Variants in EFCAB8 observed in about 807,000 individuals in gnomAD.
EFCAB8 encodes EF-hand calcium-binding domain-containing protein 8.
In EFCAB8, 100 loss-of-function variants were observed where a neutral mutation model predicts 116.3. The observed-to-expected ratio is 0.86, with a 90% CI of 0.73 to 1.02. The LOEUF (loss-of-function observed/expected upper bound fraction) is 1.02. Ranked by LOEUF, EFCAB8 falls within the 50% of genes least tolerant of loss-of-function variation. The probability of loss-of-function intolerance (pLI) is 0.00; values close to 1 mark genes in which losing one functional copy is unlikely to be tolerated. For missense variants in EFCAB8, 1,320 were observed against 1,416.9 expected (o/e 0.93, Z 1.10); for synonymous variants, 558 against 567.9 (o/e 0.98, Z 0.25).
intron 7 of EFCAB8, among the ~76,000 whole-genome samples, chr20:32,890,897 C>A (rs550582598): frequency 1.3e-5 from 2 of 152,172 alleles, no homozygotes; most frequent in Non-Finnish European, 2.9e-5. Context: ...TAGTGCCTGG[C>A]ACATAGTGGG....
intron 14 of EFCAB8, among the ~76,000 whole-genome samples, 169 bp from the exon 15 acceptor site, chr20:32,909,652 G>A (rs1371003469): frequency 6.6e-6 from 1 of 152,118 alleles, no homozygotes. Context: ...GGAGTAGGGT[G>A]GGGGTATCTG....
At chr20:32,932,244 G>A (rs893696266) in intron 22 of EFCAB8, among the ~76,000 whole-genome samples, 2 of 152,148 alleles carry the variant, frequency 1.3e-5, no homozygotes, top group African/African-American at 4.8e-5. Flanking sequence ...GGGTGTGGCG[G>A]TGCACGCCTG....
In EFCAB8 at chr20:32,960,115, C is replaced by G; in HGVS notation, c.3347C>G (p.Thr1116Ser). 1 of 1,551,718 alleles carries G rather than the reference C, an allele frequency of 6.4e-7. No homozygotes were observed. Among genetic ancestry groups the G allele is most frequent in the South Asian group, 1.2e-5 (1 of 84,064 alleles). ...AYKPKERLQN[T>S]RFLSTRVPYG... ...AAGCCCAAGGAACGCTTGCAGAATA[C>G]CAGGTTCCTGTCCACCAGGGTGCCA... is the stretch of plus-strand genomic sequence containing the variant. Residue 1116 changes from threonine (T) to serine (S), a missense_variant, in exon 26 of 27, where the codon ACC becomes AGC. Transcript: ENST00000400522.
chr20:32,960,990 T>C lies in EFCAB8; in HGVS notation c.3394-146T>C, dbSNP rs1989131642. 6 of 692,678 alleles carry C rather than the reference T, an allele frequency of 8.7e-6. No homozygotes were observed. In the South Asian group the frequency reaches 1.1e-4, roughly 12 times the overall value. 42.9% of individuals were successfully genotyped at this position (692,678 alleles called of 1,614,324 possible). A position where few individuals can be genotyped will look rare whatever the true frequency, so the allele number is the denominator to read the frequency against. ...GCATGGGCCCGCAGGCCACGGTGGT[T>C]AGTGGTAGCCACAGTCCTCTGGACA... On this transcript the variant is annotated intron_variant, in intron 26 of 26. Transcript: ENST00000400522.
intron 20 of EFCAB8, among the ~76,000 whole-genome samples, chr20:32,928,531 A>G (rs113957875): frequency 1.4e-4 from 22 of 152,250 alleles, no homozygotes; most frequent in Middle Eastern, 3.4e-3. Context: ...CACCGCACCC[A>G]GCCAATGCGA....
chr20:32,866,244 T>C (rs117060085), intron 2 of EFCAB8, among the ~76,000 whole-genome samples: 2 of 152,210 alleles, frequency 1.3e-5, no homozygotes, highest in South Asian at 4.1e-4. Flanking sequence ...TGCTCTTTAG[T>C]TGGGGCTAAG....
chr20:32,891,009 G>A (rs564698910), intron 7 of EFCAB8, among the ~76,000 whole-genome samples: 3 of 152,366 alleles, frequency 2.0e-5, no homozygotes, highest in African/African-American at 7.2e-5. Context: ...TGACCCGCCT[G>A]GGCTTTCCAC....
intron 9 of EFCAB8, 118 bp from the exon 10 acceptor site, chr20:32,896,336 G>C: frequency 1.5e-6 from 1 of 647,936 alleles, no homozygotes; most frequent in Non-Finnish European, 2.8e-6. Context: ...GGTTTGGGTG[G>C]AAAAGCCTTT....
chr20:32,903,165 C>G (rs958428657), intron 11 of EFCAB8, among the ~76,000 whole-genome samples: 3 of 152,240 alleles, frequency 2.0e-5, no homozygotes, highest in Admixed American at 1.3e-4. Flanking sequence ...CCCATGTCCT[C>G]TCATGCCCTC....
At chr20:32,886,560 G>C (rs907195483) in intron 6 of EFCAB8, among the ~76,000 whole-genome samples, 1 of 152,166 alleles carries the variant, frequency 6.6e-6, no homozygotes, top group African/African-American at 2.4e-5. Context: ...GTGGAACTAG[G>C]GTCTGTGGGG....
At chr20:32,949,250 C>T (rs1988726131) in intron 23 of EFCAB8, among the ~76,000 whole-genome samples, 1 of 152,072 alleles carries the variant, frequency 6.6e-6, no homozygotes, top group African/African-American at 2.4e-5. Context: ...TATGTAAGTA[C>T]ACAGAAAAAT....
chr20:32,918,352 C>A lies in EFCAB8; in HGVS notation c.2062-10C>A, dbSNP rs1477050799. On this transcript the variant is annotated splice_polypyrimidine_tract_variant and intron_variant, in intron 18 of 26. Coordinates refer to ENST00000400522, the MANE Select transcript of EFCAB8 (RefSeq NM_001143967.2). ...GCAGTGCCTTAGGGGCTGCTTTCTT[C>A]TTGGTACAGGTGCAAGATGTGAACA... is the stretch of plus-strand genomic sequence containing the variant. 1 of 1,551,692 alleles carries A rather than the reference C, an allele frequency of 6.4e-7. No homozygotes were observed. Among genetic ancestry groups the A allele is most frequent in the Non-Finnish European group, 8.7e-7 (1 of 1,146,956 alleles).
At chr20:32,872,309 A>G (rs1029266332) in intron 3 of EFCAB8, among the ~76,000 whole-genome samples, 1 of 152,152 alleles carries the variant, frequency 6.6e-6, no homozygotes. Context: ...GTAGGTAGTC[A>G]GGGTGCATAA....
chr20:32,885,120 T>C (rs1411948523), intron 5 of EFCAB8, among the ~76,000 whole-genome samples: 1 of 129,402 alleles, frequency 7.7e-6, no homozygotes, highest in Non-Finnish European at 1.8e-5. Flanking sequence ...AGCCTCAGGC[T>C]CCACTCTGCT....
rs959680227 is a variant in EFCAB8 at position 32,918,594 on chromosome 20, C to T, written c.2274+20C>T. On this transcript the variant is annotated intron_variant, in intron 19 of 26. Coordinates refer to ENST00000400522, the MANE Select transcript of EFCAB8 (RefSeq NM_001143967.2). ...CAGCAGGTGGGAGCGAGAGCCCAAC[C>T]AGAAGGCTACCCTCACTCTCTAGCC... 5.2e-6 allele frequency: 8 copies of T among 1,549,552 alleles called. No homozygotes were observed. The African/African-American group carries it at 8.2e-5, about 16-fold the overall frequency.
intron 3 of EFCAB8, 85 bp downstream of exon 3, chr20:32,867,832 C>T: frequency 7.2e-7 from 1 of 1,393,540 alleles, no homozygotes; most frequent in Non-Finnish European, 9.6e-7. Flanking sequence ...AGGGTTCAGA[C>T]ATAATAAGCA....
At chr20:32,959,653 C>T in intron 24 of EFCAB8, 125 bp from the exon 25 acceptor site, 1 of 710,258 alleles carries the variant, frequency 1.4e-6, no homozygotes, top group Non-Finnish European at 2.3e-6. Context: ...GGGAGTCTGG[C>T]CTGAGGGAGG....
chr20:32,885,413 C>A, intron 5 of EFCAB8, 92 bp from the exon 6 acceptor site: 1 of 1,500,972 alleles, frequency 6.7e-7, no homozygotes, highest in Non-Finnish European at 8.9e-7. Flanking sequence ...GGCTTTTGTC[C>A]CTCCTCCTCG....
At chr20:32,937,454 A>G (rs1252349498) in intron 22 of EFCAB8, among the ~76,000 whole-genome samples, 1 of 152,248 alleles carries the variant, frequency 6.6e-6, no homozygotes. Context: ...AAAACCTCAG[A>G]AAGACACAAA....
Sources: allele counts gnomAD v4.1 joint callset (sites outside exome capture counted in the v4.1 genomes callset), GRCh38; gene constraint gnomAD v4.1.1; transcripts MANE v1.5; gene names NCBI Gene and HGNC (gene_info 2026-07-23, HGNC 2026-07-21).